PRKAG2: variants seen among roughly 807,000 people sequenced by gnomAD.
The protein encoded by PRKAG2 is protein kinase AMP-activated non-catalytic subunit gamma 2.
In PRKAG2, 26 loss-of-function variants were observed where a neutral mutation model predicts 69.6. The observed-to-expected ratio is 0.37, with a 90% CI of 0.27 to 0.52. PRKAG2 has a LOEUF of 0.52. Among genes scored for constraint, PRKAG2 ranks in the 20% least tolerant of loss-of-function variants. The pLI, the probability that PRKAG2 is intolerant of heterozygous loss-of-function variation, is 0.90. For synonymous variants in PRKAG2, 293 were observed against 285.0 expected, an observed-to-expected ratio of 1.03 and a Z score of -0.28; for missense variants, 557 against 740.0, an observed-to-expected ratio of 0.75 and a Z score of 2.87.
intron 2 of PRKAG2, among the ~76,000 whole-genome samples, chr7:151,783,379 G>A (rs2076829875): frequency 6.6e-6 from 1 of 152,074 alleles, no homozygotes; most frequent in Non-Finnish European, 1.5e-5. Context: ...TCCCTCTGTC[G>A]CTCAAGGCTG....
intron 5 of PRKAG2, among the ~76,000 whole-genome samples, chr7:151,629,306 G>C (rs1340260011): frequency 1.3e-5 from 2 of 152,200 alleles, no homozygotes; most frequent in Non-Finnish European, 2.9e-5. Flanking sequence ...AGCGGCCCCT[G>C]TGCTAGGCAA....
chr7:151,735,789 T>C (rs890112897), intron 3 of PRKAG2: 3 of 1,392,556 alleles, frequency 2.2e-6, no homozygotes, highest in Non-Finnish European at 2.9e-6. Context: ...TATATCCCAG[T>C]TGGAAGAGAG....
At chr7:151,643,972 A>C (rs1241453845) in intron 4 of PRKAG2, among the ~76,000 whole-genome samples, 2 of 152,254 alleles carry the variant, frequency 1.3e-5, no homozygotes, top group Admixed American at 6.5e-5. Flanking sequence ...CAAGTGAAGT[A>C]ATTCAGGAAT....
chr7:151,666,751 T>G (rs58387337), intron 4 of PRKAG2, among the ~76,000 whole-genome samples: 2,393 of 152,284 alleles, frequency 0.016, 69 homozygotes, highest in African/African-American at 0.054. Flanking sequence ...CTAATGAAAC[T>G]TCTTCATTCA....
At chr7:151,671,551 C>G (rs1338768279) in intron 4 of PRKAG2, among the ~76,000 whole-genome samples, 2 of 152,228 alleles carry the variant, frequency 1.3e-5, no homozygotes, top group African/African-American at 4.8e-5. Context: ...ATGATATGTT[C>G]TCTGCATGCC....
Position 151,632,014 on chromosome 7 carries a change from C to G in PRKAG2, c.754+55G>C. The G allele has an allele frequency of 1.1e-5, 14 of 1,229,320 alleles. No homozygotes were observed. Among genetic ancestry groups the G allele is most frequent in the South Asian group, 2.6e-5 (1 of 38,830 alleles). 76.2% of individuals were successfully genotyped at this position (1,229,320 alleles called of 1,614,324 possible). On this transcript the variant is annotated intron_variant, in intron 5 of 15. Transcript: ENST00000287878. This position sits in a 1 kb window ranked among gnomAD's most constrained non-coding sequence, Gnocchi z 4.2. ...CGCGGGGTCCCCGCGGGTCCCGGTCCTCGGGCGGCCGGGCCGTGGGAGCGC... is the reference window on the plus strand; with the variant it reads ...CGCGGGGTCCCCGCGGGTCCCGGTCGTCGGGCGGCCGGGCCGTGGGAGCGC...
chr7:151,824,393 A>T (rs1563731350), intron 1 of PRKAG2, among the ~76,000 whole-genome samples: 8 of 152,196 alleles, frequency 5.3e-5, no homozygotes, highest in Middle Eastern at 3.2e-3. Context: ...GTTAACATCA[A>T]GGTTTGTGGA....
At chr7:151,572,847 T>C (rs1384088086) in intron 8 of PRKAG2, 138 bp from the exon 9 acceptor site, 3 of 565,896 alleles carry the variant, frequency 5.3e-6, no homozygotes, top group African/African-American at 3.8e-5. Flanking sequence ...GTGCGGTTGC[T>C]CATGCCTGTA....
At chr7:151,598,878 T>G (rs1287001551) in intron 5 of PRKAG2, among the ~76,000 whole-genome samples, 1 of 151,422 alleles carries the variant, frequency 6.6e-6, no homozygotes, top group East Asian at 1.9e-4. Flanking sequence ...TGAGACAGAG[T>G]TTAGCTCTTG....
At chr7:151,629,675 T>C (rs1180525622) in intron 5 of PRKAG2, among the ~76,000 whole-genome samples, 1 of 152,214 alleles carries the variant, frequency 6.6e-6, no homozygotes, top group Non-Finnish European at 1.5e-5. Flanking sequence ...TTATAACTTA[T>C]TAGGAAATAG....
intron 3 of PRKAG2, among the ~76,000 whole-genome samples, chr7:151,683,982 C>T (rs972710732): frequency 6.6e-6 from 1 of 152,174 alleles, no homozygotes; most frequent in Non-Finnish European, 1.5e-5. Flanking sequence ...GGCTCCTACA[C>T]CCTCTCCCCG....
At chr7:151,617,114 AGCCGGG>A in intron 5 of PRKAG2, among the ~76,000 whole-genome samples, 1 of 151,906 alleles carries the variant, frequency 6.6e-6, no homozygotes, top group African/African-American at 2.4e-5. Context: ...ATACAAAATT[AGCCGGG>A]CTTGGTGGTG....
At chr7:151,689,855 T>A (rs1163593888) in intron 3 of PRKAG2, among the ~76,000 whole-genome samples, 1 of 152,088 alleles carries the variant, frequency 6.6e-6, no homozygotes, top group African/African-American at 2.4e-5. Context: ...CCAGAGCTCG[T>A]TTCCATGGTG....
chr7:151,607,509 T>C (rs1817790167), intron 5 of PRKAG2, among the ~76,000 whole-genome samples: 1 of 152,116 alleles, frequency 6.6e-6, no homozygotes, highest in Non-Finnish European at 1.5e-5. Context: ...ACTTTTGGCC[T>C]CAAGCCTCAG....
At chr7:151,806,786 C>T (rs957351560) in intron 1 of PRKAG2, 15 of 346,122 alleles carry the variant, frequency 4.3e-5, no homozygotes, top group South Asian at 1.5e-4. Context: ...GGCAACATGG[C>T]AAAACCCTGT....
chr7:151,743,224 A>G (rs2074026516), intron 3 of PRKAG2, among the ~76,000 whole-genome samples: 1 of 152,186 alleles, frequency 6.6e-6, no homozygotes, highest in South Asian at 2.1e-4. Context: ...TTTCTAATGT[A>G]TTTTTAAAGG....
Position 151,575,631 on chromosome 7 carries a change from G to C in PRKAG2, c.947-682C>G, listed in dbSNP as rs1808708894. Among the ~76,000 whole-genome samples the C allele has an allele frequency of 2.6e-5, 4 of 152,190 alleles. No homozygotes were observed. The South Asian group carries it at 8.3e-4, about 31-fold the overall frequency. The stretch of plus-strand genomic sequence containing the variant: ...GGCAGAGACATCAGTCATGTTTACA[G>C]CATCTAATTTGCCCTGTCAAAAAGG... On this transcript the variant is annotated intron_variant, in intron 7 of 15. Coordinates refer to ENST00000287878, the MANE Select transcript of PRKAG2 (RefSeq NM_016203.4).
At chr7:151,700,161 C>T (rs540836861) in intron 3 of PRKAG2, among the ~76,000 whole-genome samples, 11 of 152,250 alleles carry the variant, frequency 7.2e-5, no homozygotes, top group Middle Eastern at 3.4e-3. Flanking sequence ...TCGGGGGTGA[C>T]GTTTAGCAGC....
intron 6 of PRKAG2, among the ~76,000 whole-genome samples, chr7:151,584,210 T>C (rs1811119286): frequency 1.3e-5 from 2 of 152,140 alleles, no homozygotes; most frequent in African/African-American, 4.8e-5. Context: ...ACCATTGCCA[T>C]GGAAGGACTG....
Sources: allele counts gnomAD v4.1 joint callset (sites outside exome capture counted in the v4.1 genomes callset), GRCh38; gene constraint gnomAD v4.1.1; non-coding constraint Gnocchi (gnomAD v3.1); transcripts MANE v1.5; gene names NCBI Gene and HGNC (gene_info 2026-07-23, HGNC 2026-07-21).